Variants in TLN2 observed in about 807,000 individuals in gnomAD.
TLN2 encodes talin-2.
Under a neutral mutation model 294.7 loss-of-function variants are expected in TLN2, and 118 were observed. The ratio of observed to expected loss-of-function variants is 0.40; its 90% CI spans 0.34 to 0.47. The LOEUF (loss-of-function observed/expected upper bound fraction) is 0.47. Ranked by LOEUF, TLN2 falls within the 20% of genes least tolerant of loss-of-function variation. The probability of loss-of-function intolerance (pLI) is 0.84; values close to 1 mark genes in which losing one functional copy is unlikely to be tolerated. For synonymous variants in TLN2, 1,431 were observed against 1,304.5 expected (o/e 1.10, Z -2.09); for missense variants, 3,083 against 3,282.2 (o/e 0.94, Z 1.48).
At chr15:62,817,218 A>G (rs931565313) in intron 52 of TLN2, among the ~76,000 whole-genome samples, 3 of 152,084 alleles carry the variant, frequency 2.0e-5, no homozygotes, top group Non-Finnish European at 2.9e-5. Context: ...CCTTCCTTCT[A>G]TTTCTCCATG....
intron 21 of TLN2, among the ~76,000 whole-genome samples, 156 bp downstream of exon 21, chr15:62,708,952 T>C (rs963831139): frequency 6.6e-6 from 1 of 152,214 alleles, no homozygotes; most frequent in African/African-American, 2.4e-5. Flanking sequence ...GAAAAAGATA[T>C]AAGACTCTTC....
rs368004325 is a variant in TLN2, at chr15:62,781,262, C to T, written c.5616+21C>T. The T allele has an allele frequency of 3.9e-5, 62 of 1,587,882 alleles. No individual in the cohort carries two copies. The African/African-American group carries it at 7.9e-4, about 20-fold the overall frequency. On this transcript the variant is annotated intron_variant, in intron 44 of 58. Coordinates refer to ENST00000636159, the MANE Select transcript of TLN2 (RefSeq NM_015059.3). ...AAATGGTAAGAGGGAAGAGAGCTGC[C>T]CTCCCCACTGTTGTTTGCCTTTTTA...
intron 45 of TLN2, among the ~76,000 whole-genome samples, chr15:62,787,890 C>T (rs1349221098): frequency 6.7e-6 from 1 of 150,368 alleles, no homozygotes; most frequent in Non-Finnish European, 1.5e-5. Flanking sequence ...CGGGGTTTTG[C>T]TACATTGTCC....
At chr15:62,801,692 A>G (rs151295672) in intron 50 of TLN2, among the ~76,000 whole-genome samples, 137 of 152,346 alleles carry the variant, frequency 9.0e-4, no homozygotes, top group African/African-American at 3.2e-3. Flanking sequence ...AGGAGAATCT[A>G]AAAAATACAG....
chr15:62,506,257 A>C (rs577295717), intron 1 of TLN2, among the ~76,000 whole-genome samples: 1 of 150,608 alleles, frequency 6.6e-6, no homozygotes, highest in South Asian at 2.1e-4. Flanking sequence ...GTTATAGCAC[A>C]TTATCTAGTG....
chr15:62,751,269 T>C (rs191278250), intron 34 of TLN2, among the ~76,000 whole-genome samples: 177 of 152,320 alleles, frequency 1.2e-3, no homozygotes, highest in African/African-American at 3.3e-3. Flanking sequence ...GCTGTTGCAA[T>C]CTGGCTTTGT....
rs865948803 is a variant in TLN2 at position 62,474,661 on chromosome 15, G to A, written c.-238+83976G>A. The stretch of plus-strand genomic sequence containing the variant: ...GTCTCAAAAAAGAATAAGGAATAAT[G>A]TGGAGGTTATGGTAGTGTTTTGTTT... On this transcript the variant is annotated intron_variant, in intron 1 of 58. Coordinates refer to ENST00000636159, the MANE Select transcript of TLN2 (RefSeq NM_015059.3). Among the ~76,000 whole-genome samples the A allele has an allele frequency of 7.2e-5, 11 of 152,168 alleles. No homozygotes were observed. The South Asian group carries it at 1.9e-3, about 26-fold the overall frequency.
At chr15:62,681,762 G>A (rs1049152549) in intron 11 of TLN2, among the ~76,000 whole-genome samples, 1 of 152,102 alleles carries the variant, frequency 6.6e-6, no homozygotes, top group African/African-American at 2.4e-5. Flanking sequence ...GTGGTGACTG[G>A]AAAGTAAGGA....
intron 32 of TLN2, among the ~76,000 whole-genome samples, chr15:62,744,368 C>T (rs2061495957): frequency 6.6e-6 from 1 of 151,010 alleles, no homozygotes; most frequent in African/African-American, 2.4e-5. Flanking sequence ...CCTTGCCATC[C>T]TAGAGAGCCA....
Position 62,585,449 on chromosome 15 carries a change from G to A in TLN2, c.-237-4238G>A, listed in dbSNP as rs530766256. On this transcript the variant is annotated intron_variant, in intron 1 of 58. Coordinates refer to ENST00000636159, the MANE Select transcript of TLN2 (RefSeq NM_015059.3). Reference sequence around the variant, plus strand: ...GTATGATCATTTCTGCTCTTACGATGAGCAACCATGTACTCCGAGAGGTGT... The same window carrying A: ...GTATGATCATTTCTGCTCTTACGATAAGCAACCATGTACTCCGAGAGGTGT... Among the ~76,000 whole-genome samples, 98 of 152,230 alleles carry A rather than the reference G, an allele frequency of 6.4e-4. 1 individual carries two copies. The South Asian group carries it at 0.019, about 29-fold the overall frequency.
At chr15:62,640,185 CT>C in intron 3 of TLN2, 4 of 456,012 alleles carry the variant, frequency 8.8e-6, no homozygotes, top group Non-Finnish European at 1.8e-5. Flanking sequence ...TTCTCTTCCT[CT>C]CTTGTAGAAG....
intron 14 of TLN2, among the ~76,000 whole-genome samples, chr15:62,695,889 T>G (rs1054442481): frequency 1.4e-4 from 21 of 152,176 alleles, no homozygotes; most frequent in African/African-American, 5.1e-4. Flanking sequence ...AGCGGCCCAG[T>G]AAGTGTCTGA....
chr15:62,399,086 G>A (rs1162868817), intron 1 of TLN2, among the ~76,000 whole-genome samples: 2 of 151,832 alleles, frequency 1.3e-5, no homozygotes, highest in Non-Finnish European at 2.9e-5. Flanking sequence ...TGCTTCGTAG[G>A]ATGCAAGCCC....
chr15:62,575,893 AT>A (rs1394891391), intron 1 of TLN2, among the ~76,000 whole-genome samples: 1 of 152,190 alleles, frequency 6.6e-6, no homozygotes, highest in Non-Finnish European at 1.5e-5. Flanking sequence ...GGATTTGAAT[AT>A]TTTCCCAACT....
In TLN2 at chr15:62,651,999, C is replaced by G; in HGVS notation, c.235-6C>G. The G allele has an allele frequency of 6.2e-7, 1 of 1,602,840 alleles. No individual in the cohort carries two copies. The highest frequency in any genetic ancestry group is 8.5e-7 in the Non-Finnish European group (1 of 1,173,402). The stretch of plus-strand genomic sequence containing the variant: ...GTGTGAAATTTGTATGTGGTTTGTG[C>G]TCTAGGATATTTTGGAATATAAAAA... On this transcript the variant is annotated splice_polypyrimidine_tract_variant and splice_region_variant and intron_variant, in intron 5 of 58. Coordinates refer to ENST00000636159, the MANE Select transcript of TLN2 (RefSeq NM_015059.3).
chr15:62,825,817 A>ATATATATTATAT, intron 54 of TLN2, among the ~76,000 whole-genome samples: 2 of 22,254 alleles, frequency 9.0e-5, no homozygotes, highest in African/African-American at 4.1e-4. Context: ...ATTATATTAT[A>ATATATATTATAT]ATATATATTA....
At chr15:62,798,929 G>C (rs1258135035) in intron 48 of TLN2, among the ~76,000 whole-genome samples, 1 of 152,230 alleles carries the variant, frequency 6.6e-6, no homozygotes, top group Non-Finnish European at 1.5e-5. Flanking sequence ...GTGGGTGCCT[G>C]TAATCCCAGC....
At chr15:62,479,083 G>A (rs765935400) in intron 1 of TLN2, among the ~76,000 whole-genome samples, 11 of 152,260 alleles carry the variant, frequency 7.2e-5, no homozygotes, top group African/African-American at 2.4e-4. Context: ...TGACAGGATC[G>A]AATCAGATCT....
intron 3 of TLN2, among the ~76,000 whole-genome samples, chr15:62,636,442 A>G (rs553775586): frequency 3.3e-5 from 5 of 152,304 alleles, no homozygotes; most frequent in African/African-American, 1.2e-4. Flanking sequence ...ACACAAATGG[A>G]AAGTTTAGTC....
Sources: allele counts gnomAD v4.1 joint callset (sites outside exome capture counted in the v4.1 genomes callset), GRCh38; gene constraint gnomAD v4.1.1; transcripts MANE v1.5; gene names NCBI Gene and HGNC (gene_info 2026-07-23, HGNC 2026-07-21).